STK32B: variants seen among roughly 807,000 people sequenced by gnomAD.
The protein encoded by STK32B is serine/threonine-protein kinase 32B.
A neutral mutation model predicts 52.6 loss-of-function variants in STK32B; 43 were observed. That is an observed-to-expected ratio of 0.82 (90% CI 0.64 to 1.05). The LOEUF (loss-of-function observed/expected upper bound fraction) is 1.05. STK32B is among the 50% of genes least tolerant of loss of function. The pLI is 0.00. For missense variants in STK32B, 621 were observed against 534.6 expected (o/e 1.16, Z -1.59); for synonymous variants, 238 against 204.3 (o/e 1.17, Z -1.41).
chr4:5,072,116 G>C (rs564451894), intron 1 of STK32B, among the ~76,000 whole-genome samples: 23 of 152,290 alleles, frequency 1.5e-4, no homozygotes, highest in African/African-American at 3.1e-4. Flanking sequence ...CTATAGGGCA[G>C]AGGTTTTCAA....
intron 4 of STK32B, among the ~76,000 whole-genome samples, chr4:5,387,822 G>A (rs1208781890): frequency 4.6e-5 from 7 of 152,146 alleles, no homozygotes; most frequent in East Asian, 1.9e-4. Flanking sequence ...TTGGCTCACC[G>A]CAACCTCCGC....
At chr4:5,165,761 G>A (rs1718821829) in intron 2 of STK32B, among the ~76,000 whole-genome samples, 1 of 152,110 alleles carries the variant, frequency 6.6e-6, no homozygotes, top group African/African-American at 2.4e-5. Flanking sequence ...TTGCCTCCTT[G>A]CATTTTATAT....
In STK32B at chr4:5,230,877, C is replaced by T. The variant is rs571992172; in HGVS notation, c.260+62427C>T. ...GATGAGAAAAGTGCTCTGAATGGAACCTTCAGGACCTTCACTATTTATGGA... is the reference window on the plus strand; with the variant it reads ...GATGAGAAAAGTGCTCTGAATGGAATCTTCAGGACCTTCACTATTTATGGA... On this transcript the variant is annotated intron_variant, in intron 3 of 11. Coordinates refer to ENST00000282908, the MANE Select transcript of STK32B (RefSeq NM_018401.3). 2.1e-4 allele frequency among the ~76,000 whole-genome samples: 32 copies of T among 152,294 alleles called. No homozygotes were observed. The South Asian group carries it at 6.4e-3, about 31-fold the overall frequency.
At chr4:5,191,157 A>T (rs899722713) in intron 3 of STK32B, among the ~76,000 whole-genome samples, 2 of 152,114 alleles carry the variant, frequency 1.3e-5, no homozygotes, top group South Asian at 2.1e-4. Flanking sequence ...CCTGGTTTCC[A>T]TGGTGCCATA....
At chr4:5,385,615 C>T (rs184664033) in intron 4 of STK32B, among the ~76,000 whole-genome samples, 4 of 152,184 alleles carry the variant, frequency 2.6e-5, no homozygotes, top group Admixed American at 6.5e-5. Flanking sequence ...ACACTCCTCC[C>T]AGGGCTGCTG....
At chr4:5,111,779 A>T (rs1415564981) in intron 1 of STK32B, among the ~76,000 whole-genome samples, 2 of 152,142 alleles carry the variant, frequency 1.3e-5, no homozygotes, top group Non-Finnish European at 2.9e-5. Flanking sequence ...AACGATGTGT[A>T]TGGACCTCCT....
chr4:5,074,225 A>G (rs74862443), intron 1 of STK32B, among the ~76,000 whole-genome samples: 22,474 of 149,998 alleles, frequency 0.15, 2,028 homozygotes, highest in Non-Finnish European at 0.21. Flanking sequence ...TGCGTGAAAT[A>G]TATTTCCTTA....
chr4:5,064,516 A>G lies in STK32B; in HGVS notation c.52+12601A>G, dbSNP rs1281264400. ...ATATACATATATAATATATAAATAT[A>G]TACTTATATACATATATAATATATA... is the stretch of plus-strand genomic sequence containing the variant. On this transcript the variant is annotated intron_variant, in intron 1 of 11. Transcript: ENST00000282908. 4.7e-5 allele frequency among the ~76,000 whole-genome samples: 3 copies of G among 63,300 alleles called. 1 individual carries two copies. The Admixed American group carries it at 7.8e-4, about 16-fold the overall frequency. 41.5% of individuals were successfully genotyped at this position (63,300 alleles called of 152,430 possible). A position where few individuals can be genotyped will look rare whatever the true frequency, so the allele number is the denominator to read the frequency against.
chr4:5,291,074 A>G (rs1209877241), intron 3 of STK32B, among the ~76,000 whole-genome samples: 1 of 152,118 alleles, frequency 6.6e-6, no homozygotes, highest in Non-Finnish European at 1.5e-5. Context: ...TGCCAATGCC[A>G]CACTGTCTTC....
intron 6 of STK32B, among the ~76,000 whole-genome samples, chr4:5,427,940 CTTTGAATTTAA>C (rs1713238187): frequency 6.6e-6 from 1 of 151,034 alleles, no homozygotes; most frequent in Admixed American, 6.6e-5. Flanking sequence ...TCTCTGCTTA[CTTTGAATTTAA>C]TTTATTCTTC....
At chr4:5,419,689 G>C (rs1712464222) in intron 6 of STK32B, among the ~76,000 whole-genome samples, 2 of 152,122 alleles carry the variant, frequency 1.3e-5, no homozygotes, top group African/African-American at 4.8e-5. Context: ...GTTGTGTTTT[G>C]CTGCTACCCA....
intron 1 of STK32B, chr4:5,139,578 C>T (rs185405432): frequency 1.3e-5 from 4 of 299,020 alleles, no homozygotes; most frequent in South Asian, 6.6e-5. Context: ...CTGGCAAGGC[C>T]GTACATTGTT....
chr4:5,125,961 C>T (rs1715337637), intron 1 of STK32B, among the ~76,000 whole-genome samples: 1 of 152,132 alleles, frequency 6.6e-6, no homozygotes, highest in Admixed American at 6.5e-5. Flanking sequence ...GGTTGAGCTT[C>T]ACTTTGGCCT....
intron 3 of STK32B, among the ~76,000 whole-genome samples, chr4:5,218,923 G>A (rs1375553592): frequency 6.6e-6 from 1 of 151,998 alleles, no homozygotes; most frequent in Non-Finnish European, 1.5e-5. Flanking sequence ...GGCCTCAGGT[G>A]GCACAGGCCC....
At chr4:5,306,171 A>G (rs1729914542) in intron 3 of STK32B, among the ~76,000 whole-genome samples, 1 of 152,110 alleles carries the variant, frequency 6.6e-6, no homozygotes, top group South Asian at 2.1e-4. Flanking sequence ...AAAAGAATGT[A>G]TATTCTGCAG....
At chr4:5,493,416 G>A (rs186436287) in intron 11 of STK32B, among the ~76,000 whole-genome samples, 32 of 152,130 alleles carry the variant, frequency 2.1e-4, no homozygotes, top group South Asian at 1.2e-3. Flanking sequence ...CTGTGGGATC[G>A]GTGGTGATAT....
At chr4:5,244,303 G>C (rs545228975) in intron 3 of STK32B, among the ~76,000 whole-genome samples, 20 of 152,204 alleles carry the variant, frequency 1.3e-4, no homozygotes, top group Non-Finnish European at 2.5e-4. Flanking sequence ...GTTTAGTCTT[G>C]GGAGGGTGTA....
In STK32B at chr4:5,369,332, G is replaced by A. The variant is rs113716036; in HGVS notation, c.435-28875G>A. Among the ~76,000 whole-genome samples, 1,058 of 151,998 alleles carry A rather than the reference G, an allele frequency of 7.0e-3. 16 individuals carry two copies. The highest frequency in any genetic ancestry group is 0.024 in the African/African-American group (990 of 41,452). On this transcript the variant is annotated intron_variant, in intron 4 of 11. Transcript: ENST00000282908. Reference sequence around the variant, plus strand: ...CATTTACCTCTAGATTTCTACATGAGAGAGACATAAATTTCTTCCTTTAGT... The same window carrying A: ...CATTTACCTCTAGATTTCTACATGAAAGAGACATAAATTTCTTCCTTTAGT...
At chr4:5,131,963 G>A (rs1460958598) in intron 1 of STK32B, among the ~76,000 whole-genome samples, 5 of 151,314 alleles carry the variant, frequency 3.3e-5, no homozygotes, top group Non-Finnish European at 5.9e-5. Flanking sequence ...TGAGATGGGG[G>A]AGAGCATCCT....
Sources: allele counts gnomAD v4.1 joint callset (sites outside exome capture counted in the v4.1 genomes callset), GRCh38; gene constraint gnomAD v4.1.1; transcripts MANE v1.5; gene names NCBI Gene and HGNC (gene_info 2026-07-23, HGNC 2026-07-21).